The following VWA5A variants were observed in gnomAD, a reference collection of about 807,000 sequenced individuals.
VWA5A encodes von Willebrand factor A domain-containing protein 5A.
A neutral mutation model predicts 84.6 loss-of-function variants in VWA5A; 77 were observed. The ratio of observed to expected loss-of-function variants is 0.91; its 90% CI spans 0.76 to 1.10. VWA5A has a LOEUF of 1.10. Ranked by LOEUF, VWA5A falls within the 50% of genes least tolerant of loss-of-function variation. VWA5A has a pLI of 0.00. For missense variants in VWA5A, 973 were observed against 963.0 expected (o/e 1.01, Z -0.14); for synonymous variants, 334 against 350.1 (o/e 0.95, Z 0.51).
At chr11:124,136,314 G>A (rs747695304) in intron 13 of VWA5A, 21 bp downstream of exon 13, 2 of 1,605,298 alleles carry the variant, frequency 1.2e-6, no homozygotes, top group South Asian at 1.1e-5. Flanking sequence ...ATTCTTATTT[G>A]TTCCTCTAGT....
intron 11 of VWA5A, among the ~76,000 whole-genome samples, chr11:124,130,262 T>C (rs778720147): frequency 6.6e-6 from 1 of 152,236 alleles, no homozygotes; most frequent in Non-Finnish European, 1.5e-5. Flanking sequence ...GGAGCAGTTG[T>C]TCAGTTTCCA....
At chr11:124,136,406 G>T in intron 13 of VWA5A, 113 bp downstream of exon 13, 1 of 1,480,464 alleles carries the variant, frequency 6.8e-7, no homozygotes. Context: ...GCCAAGTATA[G>T]CTAGCCTACT....
intron 11 of VWA5A, among the ~76,000 whole-genome samples, chr11:124,125,281 T>C (rs542579485): frequency 2.0e-5 from 3 of 148,010 alleles, no homozygotes; most frequent in South Asian, 2.2e-4. Context: ...TGGTGTCTTA[T>C]GGTTTTTTTT....
chr11:124,120,273 C>A lies in VWA5A; in HGVS notation c.760+1184C>A, dbSNP rs187807389. ...TTTCTTGGAATTTAAATTGGTGTAA[C>A]CCATGTCAGTTTGCTGTGTTCTTGG... On this transcript the variant is annotated intron_variant, in intron 7 of 18. Transcript: ENST00000456829. 4.0e-4 allele frequency among the ~76,000 whole-genome samples: 61 copies of A among 152,238 alleles called. 1 individual carries two copies. In the East Asian group the frequency reaches 0.011, roughly 27 times the overall value.
At chr11:124,140,500 G>A (rs975201305) in intron 15 of VWA5A, among the ~76,000 whole-genome samples, 6 of 151,890 alleles carry the variant, frequency 4.0e-5, no homozygotes, top group Admixed American at 3.9e-4. Context: ...ATCTCACTCT[G>A]CTGCCCAGGT....
At chr11:124,122,087 T>C (rs1591357502) in intron 7 of VWA5A, among the ~76,000 whole-genome samples, 1 of 152,358 alleles carries the variant, frequency 6.6e-6, no homozygotes, top group African/African-American at 2.4e-5. Context: ...GATTCTATTG[T>C]CATACCAAAT....
intron 15 of VWA5A, among the ~76,000 whole-genome samples, chr11:124,138,424 T>C (rs1860657466): frequency 1.3e-5 from 2 of 152,170 alleles, no homozygotes; most frequent in African/African-American, 4.8e-5. Context: ...AAGCATTCCC[T>C]TTTCCCCATA....
At position 124,146,642 on chromosome 11, in the gene VWA5A, C is replaced by T. The variant is rs1860826769; in HGVS notation, c.*697C>T. On this transcript the variant is annotated 3_prime_UTR_variant, in exon 19 of 19. Transcript: ENST00000456829. Reference sequence around the variant, plus strand: ...GAAACACCTTAAGAAGTCTATAATGCAATCCTTAGTCCTACCCTGAACCTA... The same window carrying T: ...GAAACACCTTAAGAAGTCTATAATGTAATCCTTAGTCCTACCCTGAACCTA... 6.6e-6 allele frequency: 1 copy of T among 152,212 alleles called. No homozygotes were observed. The highest frequency in any genetic ancestry group is 2.4e-5 in the African/African-American group (1 of 41,424). The allele number at this position is 152,212 out of a possible 1,614,324, so 9.4% of individuals were successfully genotyped here. A position where few individuals can be genotyped will look rare whatever the true frequency, so the allele number is the denominator to read the frequency against.
At chr11:124,122,575 T>C (rs1864948187) in intron 7 of VWA5A, among the ~76,000 whole-genome samples, 1 of 152,236 alleles carries the variant, frequency 6.6e-6, no homozygotes, top group East Asian at 1.9e-4. Context: ...ACATTTCCCA[T>C]TTATTTGATT....
chr11:124,136,497 C>A, intron 13 of VWA5A, 77 bp from the exon 14 acceptor site: 2 of 1,491,170 alleles, frequency 1.3e-6, no homozygotes, highest in South Asian at 1.2e-5. Flanking sequence ...TTTTGGGTAC[C>A]TGCCCCTGTT....
In VWA5A at chr11:124,119,056, G is replaced by A. The variant is rs752102744; in HGVS notation, c.727G>A (p.Val243Ile). 4.3e-6 allele frequency: 7 copies of A among 1,614,202 alleles called. No individual in the cohort carries two copies. The highest frequency in any genetic ancestry group is 2.5e-6 in the Non-Finnish European group (3 of 1,180,040). ...YYNEVHTPSV[V>I]LEMGMPNMKP... ...CAATGAGGTGCATACCCCCAGCGTG[G>A]TTTTGGAGATGGGGATGCCTAACAT... Residue 243 changes from valine to isoleucine, a missense_variant, in exon 7 of 19, where the codon GTT (valine) becomes ATT (isoleucine). Coordinates refer to ENST00000456829, the MANE Select transcript of VWA5A (RefSeq NM_001130142.2).
At chr11:124,141,063 G>A (rs1488070099) in intron 15 of VWA5A, among the ~76,000 whole-genome samples, 1 of 152,138 alleles carries the variant, frequency 6.6e-6, no homozygotes, top group East Asian at 1.9e-4. Flanking sequence ...TCAAGATGAT[G>A]GTAGGCCTTT....
At position 124,136,269 on chromosome 11, in the gene VWA5A, TG is replaced by T; in HGVS notation, c.1501del (p.Ala501ProfsTer3). 3 of 1,613,854 alleles carry T rather than the reference TG, an allele frequency of 1.9e-6. No homozygotes were observed. Among genetic ancestry groups the T allele is most frequent in the Non-Finnish European group, 2.5e-6 (3 of 1,179,738 alleles). ...TTAGGGGTCAGAGATTAATCAGCTA[TG>T]CCCAGCTGACCGGGAGGATGCCAGT... ...IFRGQRLISYAQLTGRMPAAE... is the reference protein window; with the variant it reads ...IFRGQRLISYXQLTGRMPAAE... On this transcript the variant is annotated frameshift_variant, in exon 13 of 19. Coordinates refer to ENST00000456829, the MANE Select transcript of VWA5A (RefSeq NM_001130142.2). LOFTEE classifies it high-confidence loss of function.
In VWA5A at chr11:124,117,907, C is replaced by T. The variant is rs551672326; in HGVS notation, c.246+32C>T. 1.4e-4 allele frequency: 233 copies of T among 1,608,634 alleles called. No individual in the cohort carries two copies. The South Asian group carries it at 2.3e-3, about 16-fold the overall frequency. ...GAGATTACCTCCTCCCTTCTTATTA[C>T]ATTACCTCCTCCCTTCTTATTTCCT... On this transcript the variant is annotated intron_variant, in intron 4 of 18. Coordinates refer to ENST00000456829, the MANE Select transcript of VWA5A (RefSeq NM_001130142.2).
intron 11 of VWA5A, among the ~76,000 whole-genome samples, chr11:124,126,104 T>C (rs1865015204): frequency 6.6e-6 from 1 of 152,194 alleles, no homozygotes; most frequent in Non-Finnish European, 1.5e-5. Flanking sequence ...CATCTAGACG[T>C]GTGCTAGAAC....
At chr11:124,141,820 A>C (rs1182152045) in intron 16 of VWA5A, 79 bp downstream of exon 16, 5 of 1,525,934 alleles carry the variant, frequency 3.3e-6, no homozygotes, top group Admixed American at 3.9e-5. Flanking sequence ...AAAAGCTTGT[A>C]GTTACAGCTA....
chr11:124,119,347 G>A (rs906097181), intron 7 of VWA5A, among the ~76,000 whole-genome samples: 2 of 152,212 alleles, frequency 1.3e-5, no homozygotes, highest in African/African-American at 4.8e-5. Context: ...AGAAAACATG[G>A]CCAGTTTATA....
Position 124,137,108 on chromosome 11 carries a change from G to C in VWA5A, c.1719G>C (p.Leu573Phe), listed in dbSNP as rs1192795170. 1 of 1,613,436 alleles carries C rather than the reference G, an allele frequency of 6.2e-7. No individual in the cohort carries two copies. Among genetic ancestry groups the C allele is most frequent in the African/African-American group, 1.3e-5 (1 of 74,686 alleles). Reference protein sequence around the residue: ...ETPASDKKDALNLSLESGVIS... With the variant: ...ETPASDKKDAFNLSLESGVIS... The stretch of plus-strand genomic sequence containing the variant: ...CAGCAAGTGATAAAAAAGATGCATT[G>C]AACCTTAGCCTTGAGTCTGGTGTCA... Residue 573 changes from leucine (L) to phenylalanine (F), a missense_variant, in exon 15 of 19, where the codon TTG becomes TTC. Physicochemically the swap from Leu to Phe is conservative, Grantham distance 22 (BLOSUM62 0). Transcript: ENST00000456829.
In VWA5A at chr11:124,116,559, C is replaced by T. The variant is rs1407337455; in HGVS notation, c.-130-7C>T. 1 of 152,356 alleles carries T rather than the reference C, an allele frequency of 6.6e-6. No homozygotes were observed. Among genetic ancestry groups the T allele is most frequent in the Non-Finnish European group, 1.5e-5 (1 of 68,192 alleles). 9.4% of individuals were successfully genotyped at this position (152,356 alleles called of 1,614,324 possible). On this transcript the variant is annotated splice_polypyrimidine_tract_variant and splice_region_variant and intron_variant, in intron 1 of 18. Transcript: ENST00000456829. ...AATGTGTTATTAGAAATTCTTCCCT[C>T]CCCCAGCCCAGCCTGTTCTACCAGA...
Sources: allele counts gnomAD v4.1 joint callset (sites outside exome capture counted in the v4.1 genomes callset), GRCh38; gene constraint gnomAD v4.1.1; transcripts MANE v1.5; gene names NCBI Gene and HGNC (gene_info 2026-07-23, HGNC 2026-07-21).